Variants in DPP6 observed in about 807,000 individuals in gnomAD.
DPP6 encodes dipeptidyl peptidase like 6.
DPP6 carries 69 observed loss-of-function variants against 122.6 expected under a neutral mutation model. That is an observed-to-expected ratio of 0.56 (90% CI 0.46 to 0.69). The LOEUF (loss-of-function observed/expected upper bound fraction) is 0.69. Among genes scored for constraint, DPP6 ranks in the 30% least tolerant of loss-of-function variants. The pLI is 0.00. For missense variants in DPP6, 928 were observed against 1,116.9 expected (o/e 0.83, Z 2.41); for synonymous variants, 418 against 433.1 (o/e 0.97, Z 0.43).
At chr7:153,995,396 C>T (rs528252464) in intron 1 of DPP6, among the ~76,000 whole-genome samples, 33 of 152,186 alleles carry the variant, frequency 2.2e-4, no homozygotes, top group African/African-American at 7.5e-4. Flanking sequence ...ACCATCCTGG[C>T]TAACACGGTG....
In DPP6 at chr7:154,624,157, G is replaced by T. The variant is rs1296081085; in HGVS notation, c.628-13664G>T. 6.6e-6 allele frequency among the ~76,000 whole-genome samples: 1 copy of T among 152,134 alleles called. No homozygotes were observed. The highest frequency in any genetic ancestry group is 1.5e-5 in the Non-Finnish European group (1 of 68,042). The stretch of plus-strand genomic sequence containing the variant: ...AGCCTGGCCAAAATGGTGAAACCCT[G>T]TCTCTACTAAAAATACAAAAATCAG... On this transcript the variant is annotated intron_variant, in intron 5 of 25. Coordinates refer to ENST00000377770, the MANE Select transcript of DPP6 (RefSeq NM_130797.4). The surrounding 1 kb of genome is among the most constrained non-coding windows in gnomAD (Gnocchi z 4.7).
At chr7:154,398,776 A>G (rs1440354040) in intron 1 of DPP6, among the ~76,000 whole-genome samples, 1 of 152,154 alleles carries the variant, frequency 6.6e-6, no homozygotes, top group Non-Finnish European at 1.5e-5. Flanking sequence ...GGGGGAAATT[A>G]TGTTTTGCAG....
At chr7:154,832,148 C>T (rs1411972429) in intron 16 of DPP6, among the ~76,000 whole-genome samples, 2 of 152,286 alleles carry the variant, frequency 1.3e-5, no homozygotes, top group South Asian at 4.1e-4. Flanking sequence ...CTCATGCGTT[C>T]GGCTCAGTTC....
intron 1 of DPP6, among the ~76,000 whole-genome samples, chr7:154,361,809 A>G (rs1038142020): frequency 6.6e-6 from 1 of 152,240 alleles, no homozygotes; most frequent in African/African-American, 2.4e-5. Flanking sequence ...TGAAGGAGGC[A>G]TTATCATCCC....
At chr7:154,142,476 TTTG>T (rs1795895933) in intron 1 of DPP6, among the ~76,000 whole-genome samples, 1 of 152,210 alleles carries the variant, frequency 6.6e-6, no homozygotes, top group South Asian at 2.1e-4. Context: ...AAACAACTTT[TTTG>T]TTAGGTTGGG....
intron 1 of DPP6, among the ~76,000 whole-genome samples, chr7:154,431,436 T>A (rs1402350527): frequency 1.1e-5 from 1 of 93,724 alleles, no homozygotes; most frequent in Non-Finnish European, 2.5e-5. Flanking sequence ...GCTCTGTTTT[T>A]CTTTCCTTTC....
chr7:154,387,906 C>G (rs997795144), intron 1 of DPP6, among the ~76,000 whole-genome samples: 3 of 151,114 alleles, frequency 2.0e-5, no homozygotes, highest in Non-Finnish European at 4.4e-5. Flanking sequence ...TCTCATGTGT[C>G]TGGAAGGTCA....
chr7:154,765,145 C>T (rs1397338395), intron 8 of DPP6, among the ~76,000 whole-genome samples: 1 of 152,196 alleles, frequency 6.6e-6, no homozygotes. Context: ...TTTCACTTAG[C>T]ACAAGTCCTC....
At position 154,658,491 on chromosome 7, in the gene DPP6, T is replaced by C. The variant is rs1837413191; in HGVS notation, c.681-10869T>C. ...GAGACGGAAAGGGGATGCCTGGTCA[T>C]TGGAGACTGAGAGGAGGGAGGAGCA... On this transcript the variant is annotated intron_variant, in intron 6 of 25. Transcript: ENST00000377770. Among the ~76,000 whole-genome samples the C allele has an allele frequency of 2.0e-5, 3 of 152,170 alleles. No homozygotes were observed. In the South Asian group the frequency reaches 6.2e-4, roughly 32 times the overall value.
rs532207156 is a variant in DPP6, at chr7:154,892,703, G to A, written c.*223G>A. On this transcript the variant is annotated 3_prime_UTR_variant, in exon 26 of 26. Transcript: ENST00000377770. ...TGGCACCAGGGACAACGCTGTCCCC[G>A]CAGCAGCGCCTCCTCCCGGCGCCCG... 9.3e-6 allele frequency: 9 copies of A among 972,226 alleles called. No homozygotes were observed. The African/African-American group carries it at 9.6e-5, about 10-fold the overall frequency. The allele number at this position is 972,226 out of a possible 1,614,324, so 60.2% of individuals were successfully genotyped here.
Position 154,645,757 on chromosome 7 carries a change from G to A in DPP6, c.680+7884G>A, listed in dbSNP as rs551073188. ...GAAAATACTGAGGGTTGCCAGGCGC[G>A]GTGGTTCACGCCTGTAATCCCAGCA... On this transcript the variant is annotated intron_variant, in intron 6 of 25. Coordinates refer to ENST00000377770, the MANE Select transcript of DPP6 (RefSeq NM_130797.4). Among the ~76,000 whole-genome samples the A allele has an allele frequency of 5.5e-4, 84 of 152,090 alleles. 1 individual carries two copies. In the South Asian group the frequency reaches 0.017, roughly 31 times the overall value.
chr7:154,073,868 C>A (rs1369585822), intron 1 of DPP6, among the ~76,000 whole-genome samples: 1 of 152,128 alleles, frequency 6.6e-6, no homozygotes, highest in Non-Finnish European at 1.5e-5. Context: ...TGCCTGTAAT[C>A]CCAGCTACTC....
chr7:154,715,431 T>A (rs556979289), intron 7 of DPP6, among the ~76,000 whole-genome samples: 4 of 152,340 alleles, frequency 2.6e-5, no homozygotes, highest in African/African-American at 4.8e-5. Context: ...CTACTTTAAT[T>A]TCAATATACT....
intron 21 of DPP6, among the ~76,000 whole-genome samples, chr7:154,881,919 G>A (rs1465987948): frequency 1.3e-5 from 2 of 152,196 alleles, no homozygotes; most frequent in African/African-American, 2.4e-5. Flanking sequence ...TGTGAGGCCC[G>A]AAGCCACTGG....
intron 5 of DPP6, among the ~76,000 whole-genome samples, chr7:154,596,898 T>C (rs981257259): frequency 4.1e-5 from 4 of 96,448 alleles, no homozygotes; most frequent in Non-Finnish European, 8.1e-5. Context: ...TTTTAGGAAA[T>C]TTTAAAATAT....
intron 1 of DPP6, among the ~76,000 whole-genome samples, chr7:154,370,077 G>A (rs1812522783): frequency 6.6e-6 from 1 of 151,802 alleles, no homozygotes; most frequent in African/African-American, 2.4e-5. Flanking sequence ...CCGCCTCTTG[G>A]GTTCAAGCCA....
In DPP6 at chr7:153,981,712, TGAG is replaced by T. The variant is rs544130657; in HGVS notation, c.51+93982_51+93984del. ...TCCCTTTCCATATTTAGTGCTTCCT[TGAG>T]GAGCTCTTTTAGGGAAGGCCTGGTG... On this transcript the variant is annotated intron_variant, in intron 1 of 25. Coordinates refer to the DPP6 transcript ENST00000404039. Among the ~76,000 whole-genome samples, 41 of 152,364 alleles carry T rather than the reference TGAG, an allele frequency of 2.7e-4. 1 individual carries two copies. The South Asian group carries it at 8.3e-3, about 31-fold the overall frequency.
chr7:153,830,591 A>T, the DPP6 span, among the ~76,000 whole-genome samples: 3 of 152,280 alleles, frequency 2.0e-5, no homozygotes, highest in African/African-American at 7.2e-5. Flanking sequence ...CATGGACAGG[A>T]GCTCTCTTTT....
intron 1 of DPP6, among the ~76,000 whole-genome samples, chr7:153,979,851 T>G (rs1796493637): frequency 6.6e-6 from 1 of 152,238 alleles, no homozygotes; most frequent in Non-Finnish European, 1.5e-5. Context: ...TTATGTTTAT[T>G]GATTTGCATG....
Sources: gnomAD v4.1 joint callset for allele counts (sites outside exome capture counted in the v4.1 genomes callset) on GRCh38, gnomAD v4.1.1 for gene constraint, Gnocchi (gnomAD v3.1) non-coding constraint, MANE v1.5 for transcripts, NCBI Gene and HGNC (gene_info 2026-07-23, HGNC 2026-07-21) for gene names.